The following GALNT17 variants were observed in gnomAD, a reference collection of about 807,000 sequenced individuals.
GALNT17 encodes the protein UDP-GalNAc:polypeptide N-acetylgalactosaminyltransferase-like 3.
Under a neutral mutation model 63.7 loss-of-function variants are expected in GALNT17, and 29 were observed. That is an observed-to-expected ratio of 0.46 (90% confidence interval 0.34 to 0.62). The LOEUF is 0.62. Among genes scored for constraint, GALNT17 ranks in the 20% least tolerant of loss-of-function variants. GALNT17 has a pLI of 0.01. For synonymous variants in GALNT17, 305 were observed against 318.3 expected (o/e 0.96, Z 0.45); for missense variants, 603 against 799.6 (o/e 0.75, Z 2.97).
At chr7:71,626,887 T>C (rs973171648) in intron 6 of GALNT17, among the ~76,000 whole-genome samples, 1 of 152,176 alleles carries the variant, frequency 6.6e-6, no homozygotes, top group Non-Finnish European at 1.5e-5. Flanking sequence ...ATTTGCTCCA[T>C]GGGTGGCCAA....
rs28401373 is a variant in GALNT17, at chr7:71,497,120, G to A, written c.963-74165G>A. 3.9e-3 allele frequency among the ~76,000 whole-genome samples: 595 copies of A among 152,162 alleles called. 1 individual carries two copies. The highest frequency in any genetic ancestry group is 0.014 in the African/African-American group (567 of 41,544). The stretch of plus-strand genomic sequence containing the variant: ...AGTTAGGAAAATGATCTGAAAGTTA[G>A]GAAATTTGTCTAGGGAGGGAGATGT... On this transcript the variant is annotated intron_variant, in intron 5 of 10. Transcript: ENST00000333538.
At chr7:71,690,002 C>CATGGTTT in intron 9 of GALNT17, among the ~76,000 whole-genome samples, 1 of 151,416 alleles carries the variant, frequency 6.6e-6, no homozygotes, top group South Asian at 2.1e-4. Context: ...CTGTTTACAG[C>CATGGTTT]ATGGTTTACT....
intron 1 of GALNT17, among the ~76,000 whole-genome samples, chr7:71,261,358 G>A (rs1790382251): frequency 6.6e-6 from 1 of 151,986 alleles, no homozygotes; most frequent in African/African-American, 2.4e-5. Context: ...AGCCACCGGA[G>A]CAAAAATACT....
At chr7:71,643,583 A>G (rs1790634047) in intron 6 of GALNT17, among the ~76,000 whole-genome samples, 1 of 152,214 alleles carries the variant, frequency 6.6e-6, no homozygotes, top group African/African-American at 2.4e-5. Context: ...GAGAGCAGAG[A>G]AACATTGTGG....
chr7:71,520,615 T>C (rs1788515235), intron 5 of GALNT17, among the ~76,000 whole-genome samples: 2 of 151,856 alleles, frequency 1.3e-5, no homozygotes, highest in African/African-American at 4.8e-5. Context: ...GCATGGTGTG[T>C]GTGGAGGTTG....
At chr7:71,443,663 C>G (rs1173835476) in intron 5 of GALNT17, among the ~76,000 whole-genome samples, 1 of 152,068 alleles carries the variant, frequency 6.6e-6, no homozygotes, top group African/African-American at 2.4e-5. Flanking sequence ...GCTTCTTGTA[C>G]AGCTTGCAAA....
At chr7:71,506,108 A>G (rs1321082548) in intron 5 of GALNT17, among the ~76,000 whole-genome samples, 1 of 152,228 alleles carries the variant, frequency 6.6e-6, no homozygotes, top group Non-Finnish European at 1.5e-5. Context: ...AGTTCTGACC[A>G]TTACACCTTC....
chr7:71,542,435 C>A (rs1273998578), intron 5 of GALNT17, among the ~76,000 whole-genome samples: 2 of 151,756 alleles, frequency 1.3e-5, no homozygotes, highest in Non-Finnish European at 2.9e-5. Flanking sequence ...AATCGCTGGG[C>A]ACAGTAACCC....
intron 1 of GALNT17, among the ~76,000 whole-genome samples, chr7:71,261,194 G>A (rs537223612): frequency 5.9e-5 from 9 of 152,148 alleles, no homozygotes; most frequent in African/African-American, 1.9e-4. Flanking sequence ...GTGCGGTCAC[G>A]TCTGAGAGTC....
At chr7:71,232,051 A>G (rs1489870646) in intron 1 of GALNT17, among the ~76,000 whole-genome samples, 1 of 152,178 alleles carries the variant, frequency 6.6e-6, no homozygotes, top group East Asian at 1.9e-4. Context: ...TTGTATTCAG[A>G]GTCACCATTT....
intron 6 of GALNT17, among the ~76,000 whole-genome samples, chr7:71,592,502 A>AAAATAAAATG (rs1789817572): frequency 1.2e-4 from 1 of 8,470 alleles, no homozygotes; most frequent in East Asian, 3.7e-3. Context: ...TTTCAAAAAT[A>AAAATAAAATG]AAATAAAATA....
chr7:71,598,013 C>T (rs1184657942), intron 6 of GALNT17, among the ~76,000 whole-genome samples: 2 of 151,778 alleles, frequency 1.3e-5, no homozygotes, highest in Admixed American at 6.6e-5. Context: ...GGCGCAGTCT[C>T]GGCTCACTGC....
chr7:71,572,071 T>C (rs1789452573), intron 6 of GALNT17, among the ~76,000 whole-genome samples: 1 of 151,790 alleles, frequency 6.6e-6, no homozygotes, highest in African/African-American at 2.4e-5. Flanking sequence ...TTTTTAACAG[T>C]TTTATTGAGA....
At chr7:71,625,237 C>T (rs557078596) in intron 6 of GALNT17, among the ~76,000 whole-genome samples, 2 of 152,178 alleles carry the variant, frequency 1.3e-5, no homozygotes, top group South Asian at 2.1e-4. Context: ...CTCCATCTCC[C>T]GAGCTCAAGC....
At chr7:71,661,034 G>A (rs619096) in intron 6 of GALNT17, among the ~76,000 whole-genome samples, 34,973 of 152,144 alleles carry the variant, frequency 0.23, 4,264 homozygotes, top group Non-Finnish European at 0.27. Context: ...TGCCACTGCA[G>A]ATCCATGGAG....
chr7:71,142,958 A>G lies in GALNT17; in HGVS notation c.238+9918A>G, dbSNP rs889153940. Among the ~76,000 whole-genome samples the G allele has an allele frequency of 2.2e-4, 30 of 139,046 alleles. 1 individual carries two copies. The East Asian group carries it at 6.4e-3, about 30-fold the overall frequency. The allele number at this position is 139,046 out of a possible 152,430, so 91.2% of individuals were successfully genotyped here. ...TCTTGTCTCAAAAAAAAAAAAAAAAAGGAATGTTACACTGAGCCTGGAAGT... is the reference window on the plus strand; with the variant it reads ...TCTTGTCTCAAAAAAAAAAAAAAAAGGGAATGTTACACTGAGCCTGGAAGT... On this transcript the variant is annotated intron_variant, in intron 1 of 10. Coordinates refer to ENST00000333538, the MANE Select transcript of GALNT17 (RefSeq NM_022479.3).
At chr7:71,149,751 G>C (rs990636600) in intron 1 of GALNT17, among the ~76,000 whole-genome samples, 5 of 152,194 alleles carry the variant, frequency 3.3e-5, no homozygotes, top group African/African-American at 1.2e-4. Flanking sequence ...ACAAGTGCAC[G>C]TTGTCAATTT....
At chr7:71,651,683 G>A (rs570720318) in intron 6 of GALNT17, among the ~76,000 whole-genome samples, 4 of 152,206 alleles carry the variant, frequency 2.6e-5, no homozygotes, top group African/African-American at 9.6e-5. Context: ...CATAAGACTG[G>A]GATGGATTTT....
At chr7:71,437,958 G>C (rs142305965) in intron 5 of GALNT17, among the ~76,000 whole-genome samples, 1 of 152,018 alleles carries the variant, frequency 6.6e-6, no homozygotes, top group East Asian at 1.9e-4. Flanking sequence ...AGCATTCCTC[G>C]TGCCTTGGCC....
Sources: allele counts gnomAD v4.1 joint callset (sites outside exome capture counted in the v4.1 genomes callset), GRCh38; gene constraint gnomAD v4.1.1; transcripts MANE v1.5; gene names NCBI Gene and HGNC (gene_info 2026-07-23, HGNC 2026-07-21).